The following DMRT3 variants were observed in gnomAD, a reference collection of about 807,000 sequenced individuals.
The protein encoded by DMRT3 is doublesex and mab-3 related transcription factor 3, also known as doublesex- and mab-3-related transcription factor 3.
Under a neutral mutation model 34.9 loss-of-function variants are expected in DMRT3, and 29 were observed. The observed-to-expected ratio is 0.83, with a 90% confidence interval of 0.62 to 1.13. The LOEUF (loss-of-function observed/expected upper bound fraction) is 1.13. Among genes scored for constraint, DMRT3 ranks in the 50% most tolerant of loss-of-function variants. The pLI is 0.00. For missense variants in DMRT3, 772 were observed against 629.1 expected, an observed-to-expected ratio of 1.23 and a Z score of -2.43; for synonymous variants, 350 against 286.0, an observed-to-expected ratio of 1.22 and a Z score of -2.26.
chr9:988,051 G>A (rs907241792), intron 1 of DMRT3, among the ~76,000 whole-genome samples: 1 of 152,120 alleles, frequency 6.6e-6, no homozygotes, highest in African/African-American at 2.4e-5. Context: ...TCAAGGACAT[G>A]AGTTCAAATA....
intron 1 of DMRT3, among the ~76,000 whole-genome samples, chr9:989,098 C>T (rs1354328715): frequency 6.6e-6 from 1 of 152,016 alleles, no homozygotes; most frequent in African/African-American, 2.4e-5. Flanking sequence ...TTTTTTCCCT[C>T]CTTCTTCTTT....
In DMRT3 at chr9:990,726, G is replaced by T. The variant is rs145376999; in HGVS notation, c.1140G>T (p.Gln380His). ...LMLRNTLARSQSSPFLPNDVT... is the reference protein window; with the variant it reads ...LMLRNTLARSHSSPFLPNDVT... Reference sequence around the variant, plus strand: ...TGAGGAATACTTTGGCGAGAAGCCAGTCGAGCCCCTTTTTGCCCAATGATG... The same window carrying T: ...TGAGGAATACTTTGGCGAGAAGCCATTCGAGCCCCTTTTTGCCCAATGATG... The change falls in exon 2 of 2, where the codon CAG (glutamine) becomes CAT (histidine). Residue 380 changes from glutamine to histidine, a missense_variant. By Grantham distance (24) the Gln-to-His change is conservative. Transcript: ENST00000190165. 1.1e-4 allele frequency: 170 copies of T among 1,614,166 alleles called. 1 individual carries two copies. In the African/African-American group the frequency reaches 1.9e-3, roughly 18 times the overall value.
rs1399217565 is a variant in DMRT3, at chr9:976,675, C to G, written c.-327C>G. Among the ~76,000 whole-genome samples the G allele has an allele frequency of 6.6e-6, 1 of 152,210 alleles. No homozygotes were observed. The highest frequency in any genetic ancestry group is 1.5e-5 in the Non-Finnish European group (1 of 68,028). On this transcript the variant is annotated 5_prime_UTR_variant, in exon 1 of 2. Coordinates refer to ENST00000190165, the MANE Select transcript of DMRT3 (RefSeq NM_021240.4). This position sits in a 1 kb window ranked among gnomAD's most constrained non-coding sequence, Gnocchi z 4.5. ...GAGCTGCAGAAGAGCTGGCTCAGACCTTAATCAGAGCTGTCGCCGGCTCCT... is the reference window on the plus strand; with the variant it reads ...GAGCTGCAGAAGAGCTGGCTCAGACGTTAATCAGAGCTGTCGCCGGCTCCT...
At chr9:987,270 T>C (rs1366429752) in intron 1 of DMRT3, among the ~76,000 whole-genome samples, 2 of 152,226 alleles carry the variant, frequency 1.3e-5, no homozygotes, top group African/African-American at 4.8e-5. Context: ...TTCCCTATTC[T>C]TGGTATCGAA....
In DMRT3 at chr9:977,113, C is replaced by G; in HGVS notation, c.112C>G (p.Leu38Val). ...KCARCRNHGV[L>V]SWLKGHKRYC... ...CGCGCGCTGCCGCAACCATGGCGTC[C>G]TGTCCTGGCTCAAGGGCCACAAGCG... The change falls in exon 1 of 2, where the codon CTG becomes GTG. Residue 38 changes from leucine (L) to valine (V), a missense_variant. Transcript: ENST00000190165. 6.2e-7 allele frequency: 1 copy of G among 1,609,340 alleles called. No individual in the cohort carries two copies. Among genetic ancestry groups the G allele is most frequent in the Non-Finnish European group, 8.5e-7 (1 of 1,178,216 alleles).
At chr9:979,104 C>G (rs1249397813) in intron 1 of DMRT3, among the ~76,000 whole-genome samples, 3 of 152,174 alleles carry the variant, frequency 2.0e-5, no homozygotes, top group Admixed American at 6.5e-5. Flanking sequence ...GAGGTTAACT[C>G]AGCAGCACTC....
intron 1 of DMRT3, among the ~76,000 whole-genome samples, chr9:983,944 C>T (rs140247047): frequency 3.3e-5 from 5 of 151,396 alleles, no homozygotes; most frequent in African/African-American, 1.2e-4. Context: ...CAACCCTCCC[C>T]AACCCGGCAA....
rs1337217181 is a variant in DMRT3 at position 990,823 on chromosome 9, A to G, written c.1237A>G (p.Ser413Gly). The G allele has an allele frequency of 2.5e-6, 4 of 1,613,986 alleles. No homozygotes were observed. The highest frequency in any genetic ancestry group is 3.4e-6 in the Non-Finnish European group (4 of 1,180,028). The change falls in exon 2 of 2, where the codon AGT (serine) becomes GGT (glycine). Residue 413 changes from serine (S) to glycine (G), a missense_variant. Ser to Gly is a moderately conservative substitution (Grantham distance 56). Transcript: ENST00000190165. ...GTCCCAGTATGTCAGTCCTTTCCCC[A>G]GTAACTCTACCAGCGTCTTCAGAAG... ...LRSQYVSPFPSNSTSVFRSSP... is the reference protein window; with the variant it reads ...LRSQYVSPFPGNSTSVFRSSP...
intron 1 of DMRT3, among the ~76,000 whole-genome samples, chr9:986,513 T>C (rs1820286427): frequency 1.3e-5 from 2 of 152,306 alleles, no homozygotes; most frequent in South Asian, 4.1e-4. Flanking sequence ...CTAATATGTT[T>C]TCAGTGTTTG....
At chr9:981,495 A>G (rs1820220580) in intron 1 of DMRT3, among the ~76,000 whole-genome samples, 1 of 152,222 alleles carries the variant, frequency 6.6e-6, no homozygotes, top group Non-Finnish European at 1.5e-5. Context: ...TGCATTTTAA[A>G]AAACAAAACC....
At position 990,363 on chromosome 9, in the gene DMRT3, C is replaced by G; in HGVS notation, c.777C>G (p.Phe259Leu). Residue 259 changes from phenylalanine (F) to leucine (L), a missense_variant, in exon 2 of 2, where the codon TTC becomes TTG. Transcript: ENST00000190165. ...RPPLEVLKKIFPNQKPTVLEL... is the reference protein window; with the variant it reads ...RPPLEVLKKILPNQKPTVLEL... ...CGCTTGAAGTGTTAAAAAAGATATT[C>G]CCCAACCAGAAGCCAACGGTGCTTG... 1 of 1,613,930 alleles carries G rather than the reference C, an allele frequency of 6.2e-7. No individual in the cohort carries two copies.
intron 1 of DMRT3, among the ~76,000 whole-genome samples, chr9:984,551 G>T (rs946683329): frequency 1.3e-5 from 2 of 151,924 alleles, no homozygotes; most frequent in Non-Finnish European, 2.9e-5. Flanking sequence ...CTGCCTCCCG[G>T]GTTCACGCCA....
Position 976,923 on chromosome 9 carries a change from G to C in DMRT3, c.-79G>C. ...CGTCGCCCGGAGGCCGCCCCTGAGC[G>C]GGCCTCGCAGCCCCGCCGTCCAGCG... On this transcript the variant is annotated 5_prime_UTR_variant, in exon 1 of 2. Coordinates refer to ENST00000190165, the MANE Select transcript of DMRT3 (RefSeq NM_021240.4). The surrounding 1 kb of genome is among the most constrained non-coding windows in gnomAD (Gnocchi z 4.5). 4 of 1,353,408 alleles carry C rather than the reference G, an allele frequency of 3.0e-6. No homozygotes were observed. The highest frequency in any genetic ancestry group is 1.8e-5 in the South Asian group (1 of 54,822). The allele number at this position is 1,353,408 out of a possible 1,614,324, so 83.8% of individuals were successfully genotyped here. A position where few individuals can be genotyped will look rare whatever the true frequency, so the allele number is the denominator to read the frequency against.
Position 990,458 on chromosome 9 carries a change from CAGTCA to C in DMRT3, c.873_877del (p.Val292GlyfsTer10), listed in dbSNP as rs772615614. ...GAAGTCCTTCTGTCCAGCCGATCCT[CAGTCA>C]CGGGAGCAGAGCGAACTTCCGCAGA... On this transcript the variant is annotated frameshift_variant, in exon 2 of 2. Transcript: ENST00000190165. LOFTEE classifies it high-confidence loss of function. 1.2e-6 allele frequency: 2 copies of C among 1,614,086 alleles called. No homozygotes were observed. The highest frequency in any genetic ancestry group is 2.7e-5 in the African/African-American group (2 of 74,940).
At chr9:988,281 T>G (rs745715820) in intron 1 of DMRT3, among the ~76,000 whole-genome samples, 5 of 152,246 alleles carry the variant, frequency 3.3e-5, no homozygotes, top group Non-Finnish European at 7.3e-5. Context: ...TTAATTAAAA[T>G]GCAAATTTGG....
At chr9:977,511 C>A in intron 1 of DMRT3, 56 bp downstream of exon 1, 1 of 1,228,138 alleles carries the variant, frequency 8.1e-7, no homozygotes, top group Non-Finnish European at 1.0e-6. Context: ...CTTCGGAGTG[C>A]CAGCTGCAGC....
In DMRT3 at chr9:977,036, G is replaced by C. The variant is rs756245272; in HGVS notation, c.35G>C (p.Gly12Ala). The C allele has an allele frequency of 9.6e-6, 15 of 1,562,280 alleles. No homozygotes were observed. The highest frequency in any genetic ancestry group is 1.4e-5 in the African/African-American group (1 of 72,970). The part of the protein sequence containing the change: ...NGYGSPYLYM[G>A]GPVSQPPRAP... ...TACGGCTCCCCCTACCTGTACATGG[G>C]CGGCCCGGTGTCGCAGCCGCCACGG... Residue 12 changes from glycine to alanine, a missense_variant, in exon 1 of 2, where the codon GGC becomes GCC. Physicochemically the swap from Gly to Ala is moderately conservative, Grantham distance 60 (BLOSUM62 0). Transcript: ENST00000190165.
chr9:988,245 A>G (rs1041856923), intron 1 of DMRT3, among the ~76,000 whole-genome samples: 5 of 150,790 alleles, frequency 3.3e-5, no homozygotes, highest in Non-Finnish European at 7.3e-5. Context: ...TGGAAACCTT[A>G]TATTTTATAT....
In DMRT3 at chr9:990,559, T is replaced by C. The variant is rs1197564392; in HGVS notation, c.973T>C (p.Ser325Pro). The C allele has an allele frequency of 6.2e-7, 1 of 1,614,044 alleles. No individual in the cohort carries two copies. Among genetic ancestry groups the C allele is most frequent in the East Asian group, 2.2e-5 (1 of 44,844 alleles). ...EHTLSSYPIS[S>P]SKWSVGSAFR... ...CACCTTGAGCTCCTACCCCATCTCG[T>C]CTTCCAAATGGTCTGTGGGATCAGC... The change falls in exon 2 of 2, where the codon TCT (serine) becomes CCT (proline). Residue 325 changes from serine to proline, a missense_variant. Physicochemically the swap from Ser to Pro is moderately conservative, Grantham distance 74 (BLOSUM62 -1). Transcript: ENST00000190165.
Sources: allele counts gnomAD v4.1 joint callset (sites outside exome capture counted in the v4.1 genomes callset), GRCh38; gene constraint gnomAD v4.1.1; non-coding constraint Gnocchi (gnomAD v3.1); transcripts MANE v1.5; gene names NCBI Gene and HGNC (gene_info 2026-07-23, HGNC 2026-07-21).